Variants in ADAMTS6 observed in about 807,000 individuals in gnomAD.
The protein encoded by ADAMTS6 is ADAM metallopeptidase with thrombospondin type 1 motif 6.
ADAMTS6 carries 23 observed loss-of-function variants against 144.3 expected under a neutral mutation model. The ratio of observed to expected loss-of-function variants is 0.16; its 90% CI spans 0.11 to 0.23. ADAMTS6 has a LOEUF of 0.23. ADAMTS6 is among the 10% of genes least tolerant of loss of function. The pLI, the probability that ADAMTS6 is intolerant of heterozygous loss-of-function variation, is 1.00. For synonymous variants in ADAMTS6, 444 were observed against 457.5 expected (o/e 0.97, Z 0.38); for missense variants, 999 against 1,379.6 (o/e 0.72, Z 4.37).
At chr5:65,196,522 C>CAAAAAAAAAAAAAAAAAA (rs533444182) in intron 21 of ADAMTS6, among the ~76,000 whole-genome samples, 7 of 38,036 alleles carry the variant, frequency 1.8e-4, no homozygotes, top group Non-Finnish European at 3.1e-4. Flanking sequence ...GACTCCGTCT[C>CAAAAAAAAAAAAAAAAAA]AAAAAAAAAA....
At chr5:65,209,622 A>T (rs1385994239) in intron 20 of ADAMTS6, among the ~76,000 whole-genome samples, 2 of 152,216 alleles carry the variant, frequency 1.3e-5, no homozygotes, top group Admixed American at 6.5e-5. Context: ...AAAAGATCTC[A>T]TAAGAGAAAG....
chr5:65,336,748 T>A (rs776795416), intron 7 of ADAMTS6, among the ~76,000 whole-genome samples: 1 of 152,134 alleles, frequency 6.6e-6, no homozygotes, highest in Non-Finnish European at 1.5e-5. Flanking sequence ...ATATTTATAA[T>A]GGAATTTGAT....
At chr5:65,215,090 A>T (rs1756818078) in intron 19 of ADAMTS6, among the ~76,000 whole-genome samples, 158 bp from the exon 20 acceptor site, 1 of 152,194 alleles carries the variant, frequency 6.6e-6, no homozygotes. Context: ...TCCCATTTTC[A>T]TGGGTATTTT....
intron 7 of ADAMTS6, among the ~76,000 whole-genome samples, chr5:65,344,691 T>C (rs1748156289): frequency 6.6e-6 from 1 of 151,886 alleles, no homozygotes; most frequent in South Asian, 2.1e-4. Flanking sequence ...GATTATCATT[T>C]ATATTGTCAT....
chr5:65,411,414 A>C (rs1476022792), intron 7 of ADAMTS6, among the ~76,000 whole-genome samples: 1 of 152,158 alleles, frequency 6.6e-6, no homozygotes, highest in Non-Finnish European at 1.5e-5. Context: ...ATAAATTTTG[A>C]ATAAAAAGTC....
intron 16 of ADAMTS6, 106 bp downstream of exon 16, chr5:65,225,980 G>A: frequency 8.4e-7 from 1 of 1,195,654 alleles, no homozygotes; most frequent in East Asian, 2.7e-5. Flanking sequence ...TCTCTAAAAT[G>A]TGGTCCCCTT....
chr5:65,273,762 A>G (rs748306800), intron 11 of ADAMTS6, among the ~76,000 whole-genome samples: 1 of 152,184 alleles, frequency 6.6e-6, no homozygotes, highest in Non-Finnish European at 1.5e-5. Context: ...GACTATGTAG[A>G]AAGGAAATAT....
chr5:65,303,707 T>C (rs1037349189), intron 9 of ADAMTS6, among the ~76,000 whole-genome samples: 1 of 151,864 alleles, frequency 6.6e-6, no homozygotes. Context: ...GATAAAGTTC[T>C]AAAGGGGAAT....
At chr5:65,363,396 C>T (rs549152832) in intron 7 of ADAMTS6, among the ~76,000 whole-genome samples, 2 of 152,174 alleles carry the variant, frequency 1.3e-5, no homozygotes, top group African/African-American at 2.4e-5. Context: ...AAAAATTACA[C>T]ATCCCTTATG....
At chr5:65,248,437 T>C (rs1759831753) in intron 14 of ADAMTS6, among the ~76,000 whole-genome samples, 1 of 152,180 alleles carries the variant, frequency 6.6e-6, no homozygotes, top group African/African-American at 2.4e-5. Context: ...TGTATATGCC[T>C]TAAATAGTCT....
intron 22 of ADAMTS6, among the ~76,000 whole-genome samples, chr5:65,174,330 C>G (rs1400905111): frequency 7.2e-5 from 11 of 152,178 alleles, no homozygotes; most frequent in African/African-American, 2.7e-4. Context: ...GATTAACAGA[C>G]AGTCGGACGG....
chr5:65,292,895 T>A (rs1047087701), intron 10 of ADAMTS6, among the ~76,000 whole-genome samples: 1 of 152,102 alleles, frequency 6.6e-6, no homozygotes, highest in Non-Finnish European at 1.5e-5. Flanking sequence ...AGCTATCCAG[T>A]TTTCATAACA....
intron 7 of ADAMTS6, among the ~76,000 whole-genome samples, chr5:65,376,608 G>A (rs112648670): frequency 6.6e-6 from 1 of 152,132 alleles, no homozygotes; most frequent in African/African-American, 2.4e-5. Context: ...AAGGCAGGTG[G>A]ATCAATTGCC....
intron 10 of ADAMTS6, among the ~76,000 whole-genome samples, chr5:65,299,049 T>C (rs577469257): frequency 6.6e-6 from 1 of 152,150 alleles, no homozygotes; most frequent in African/African-American, 2.4e-5. Flanking sequence ...ATACCTTACT[T>C]TTTCACAGAG....
At chr5:65,283,186 C>G (rs770918105) in intron 11 of ADAMTS6, among the ~76,000 whole-genome samples, 6 of 152,016 alleles carry the variant, frequency 3.9e-5, no homozygotes, top group African/African-American at 2.4e-5. Context: ...ATCATTTGAT[C>G]ACACAAAGGA....
At chr5:65,313,251 G>C (rs1461376075) in intron 9 of ADAMTS6, among the ~76,000 whole-genome samples, 1 of 151,306 alleles carries the variant, frequency 6.6e-6, no homozygotes, top group Non-Finnish European at 1.5e-5. Flanking sequence ...TTTGGCATTA[G>C]TCCATACTAT....
chr5:65,168,088 C>A (rs191622153), intron 24 of ADAMTS6, among the ~76,000 whole-genome samples: 7 of 151,544 alleles, frequency 4.6e-5, no homozygotes, highest in Admixed American at 3.3e-4. Flanking sequence ...AAGAGGAAGT[C>A]AAATTGTCCC....
chr5:65,350,466 T>C (rs1055545606), intron 7 of ADAMTS6, among the ~76,000 whole-genome samples: 8 of 152,198 alleles, frequency 5.3e-5, no homozygotes, highest in African/African-American at 7.2e-5. Flanking sequence ...TCTTTAGCGG[T>C]AGCACAGAGA....
chr5:65,471,574 G>A (rs1258670766), intron 2 of ADAMTS6, among the ~76,000 whole-genome samples: 1 of 150,872 alleles, frequency 6.6e-6, no homozygotes, highest in Admixed American at 6.6e-5. Context: ...ATCATCACAC[G>A]GTGAAACCCC....
Sources: allele counts gnomAD v4.1 joint callset (sites outside exome capture counted in the v4.1 genomes callset), GRCh38; gene constraint gnomAD v4.1.1; transcripts MANE v1.5; gene names NCBI Gene and HGNC (gene_info 2026-07-23, HGNC 2026-07-21).